ZNF385B: variants seen among roughly 807,000 people sequenced by gnomAD.
ZNF385B encodes zinc finger protein 533.
ZNF385B carries 23 observed loss-of-function variants against 39.2 expected under a neutral mutation model. The ratio of observed to expected loss-of-function variants is 0.59; its 90% CI spans 0.42 to 0.83. The LOEUF is 0.83. ZNF385B is among the 40% of genes least tolerant of loss of function. The pLI, the probability that ZNF385B is intolerant of heterozygous loss-of-function variation, is 0.00. For missense variants in ZNF385B, 552 were observed against 598.9 expected (o/e 0.92, Z 0.82); for synonymous variants, 205 against 222.6 (o/e 0.92, Z 0.70).
At chr2:179,653,592 T>A (rs946246470) in intron 3 of ZNF385B, among the ~76,000 whole-genome samples, 16 of 152,320 alleles carry the variant, frequency 1.1e-4, no homozygotes, top group Non-Finnish European at 1.8e-4. Context: ...GTTTATGCCT[T>A]CAGTGTTCAG....
At chr2:179,539,713 A>G (rs2059798566) in intron 4 of ZNF385B, among the ~76,000 whole-genome samples, 1 of 152,224 alleles carries the variant, frequency 6.6e-6, no homozygotes, top group Non-Finnish European at 1.5e-5. Context: ...GACCATGGAT[A>G]AATTGGCAAA....
At chr2:179,669,227 T>G (rs1006903066) in intron 3 of ZNF385B, among the ~76,000 whole-genome samples, 9 of 152,128 alleles carry the variant, frequency 5.9e-5, no homozygotes, top group African/African-American at 1.7e-4. Flanking sequence ...CTAGGGGAAG[T>G]TGAGGAGTGG....
At chr2:179,542,785 T>C (rs1253415061) in intron 4 of ZNF385B, among the ~76,000 whole-genome samples, 1 of 152,166 alleles carries the variant, frequency 6.6e-6, no homozygotes, top group Non-Finnish European at 1.5e-5. Flanking sequence ...GGGTACCTTT[T>C]AGGTATATGT....
At chr2:179,657,648 T>C (rs1693944534) in intron 3 of ZNF385B, among the ~76,000 whole-genome samples, 1 of 152,212 alleles carries the variant, frequency 6.6e-6, no homozygotes. Context: ...ATAAAACCCA[T>C]ACAGTTTCAG....
rs369277460 is a variant in ZNF385B, at chr2:179,443,471, A to G, written c.1243-3T>C. 1.6e-5 allele frequency: 26 copies of G among 1,586,390 alleles called. No homozygotes were observed. Among genetic ancestry groups the G allele is most frequent in the African/African-American group, 2.7e-5 (2 of 74,608 alleles). ...TCTTTCTGGAATGCAAGTTTTGCCT[A>G]AGGGAGGGAGAAAACCAGGAATGGG... On this transcript the variant is annotated splice_polypyrimidine_tract_variant and splice_region_variant and intron_variant, in intron 9 of 9. Transcript: ENST00000410066.
At chr2:179,685,814 T>C (rs1425476523) in intron 3 of ZNF385B, among the ~76,000 whole-genome samples, 2 of 152,242 alleles carry the variant, frequency 1.3e-5, no homozygotes, top group Non-Finnish European at 2.9e-5. Context: ...GCAAACCATA[T>C]TTAGCAAAGA....
chr2:179,811,746 T>G (rs1706746623), intron 1 of ZNF385B, among the ~76,000 whole-genome samples: 1 of 151,920 alleles, frequency 6.6e-6, no homozygotes, highest in Non-Finnish European at 1.5e-5. Flanking sequence ...GGGAAAAAAT[T>G]TATGACTAAA....
At chr2:179,778,816 C>A (rs538460754) in intron 1 of ZNF385B, among the ~76,000 whole-genome samples, 13 of 152,030 alleles carry the variant, frequency 8.6e-5, no homozygotes, top group Non-Finnish European at 1.3e-4. Context: ...TTCCATATTC[C>A]TACCAAAGTG....
At chr2:179,739,506 T>C (rs1446864572) in intron 3 of ZNF385B, among the ~76,000 whole-genome samples, 4 of 152,218 alleles carry the variant, frequency 2.6e-5, no homozygotes, top group African/African-American at 9.6e-5. Context: ...CTAATCCCAG[T>C]TTGAGTCTTA....
chr2:179,564,466 C>T (rs987629927), intron 3 of ZNF385B, among the ~76,000 whole-genome samples: 1 of 152,154 alleles, frequency 6.6e-6, no homozygotes, highest in African/African-American at 2.4e-5. Context: ...TAAGACCTTA[C>T]CCTATCAATC....
At chr2:179,780,268 G>T (rs1704587262) in intron 1 of ZNF385B, among the ~76,000 whole-genome samples, 4 of 152,204 alleles carry the variant, frequency 2.6e-5, no homozygotes, top group Non-Finnish European at 1.5e-5. Flanking sequence ...TTAGCCCCTA[G>T]AAAAGACACA....
At chr2:179,620,955 G>A (rs1165634976) in intron 3 of ZNF385B, among the ~76,000 whole-genome samples, 1 of 152,110 alleles carries the variant, frequency 6.6e-6, no homozygotes, top group Admixed American at 6.6e-5. Flanking sequence ...ACTAGATACT[G>A]TCCTTTATTT....
chr2:179,542,852 C>T (rs1020479576), intron 4 of ZNF385B, among the ~76,000 whole-genome samples: 3 of 152,170 alleles, frequency 2.0e-5, no homozygotes, highest in Admixed American at 6.5e-5. Context: ...GACCACCTTC[C>T]GCTAGTGAAG....
intron 1 of ZNF385B, among the ~76,000 whole-genome samples, chr2:179,792,370 C>CTTTTTTTTTTTTTTTTTTT (rs1346808450): frequency 2.8e-5 from 2 of 70,692 alleles, no homozygotes; most frequent in African/African-American, 1.0e-4. Context: ...ATTTCATTTT[C>CTTTTTTTTTTTTTTTTTTT]TTTTCTTTTT....
intron 3 of ZNF385B, chr2:179,585,912 A>C (rs1687029460): frequency 6.6e-6 from 1 of 152,204 alleles, no homozygotes; most frequent in South Asian, 2.1e-4. Context: ...ATCTCTCTAG[A>C]ACACATATAC....
intron 5 of ZNF385B, among the ~76,000 whole-genome samples, chr2:179,504,244 T>C (rs1486893783): frequency 1.3e-5 from 2 of 152,088 alleles, no homozygotes; most frequent in Non-Finnish European, 2.9e-5. Flanking sequence ...CCATGGTGTA[T>C]ATGTGCCACA....
chr2:179,654,619 A>C (rs1422499718), intron 3 of ZNF385B, among the ~76,000 whole-genome samples: 1 of 152,224 alleles, frequency 6.6e-6, no homozygotes, highest in Non-Finnish European at 1.5e-5. Context: ...TTCCAAGTTC[A>C]AGTATGTGAA....
chr2:179,512,631 A>G lies in ZNF385B; in HGVS notation c.552+5897T>C, dbSNP rs1414262059. On this transcript the variant is annotated intron_variant, in intron 5 of 9. Coordinates refer to ENST00000410066, the MANE Select transcript of ZNF385B (RefSeq NM_152520.6). ...TACTGCAGTTGCAGTATACTCAGTT[A>G]CTGGAGAATAAAGAAACATTCAGGG... Among the ~76,000 whole-genome samples the G allele has an allele frequency of 5.9e-5, 9 of 152,176 alleles. No homozygotes were observed. In the East Asian group the frequency reaches 1.7e-3, roughly 29 times the overall value.
At chr2:179,811,332 A>T (rs1706719585) in intron 1 of ZNF385B, among the ~76,000 whole-genome samples, 1 of 152,206 alleles carries the variant, frequency 6.6e-6, no homozygotes, top group African/African-American at 2.4e-5. Flanking sequence ...GAACCAAAAA[A>T]GAGCCCAAAT....
Sources: gnomAD v4.1 joint callset for allele counts (sites outside exome capture counted in the v4.1 genomes callset) on GRCh38, gnomAD v4.1.1 for gene constraint, MANE v1.5 for transcripts, NCBI Gene and HGNC (gene_info 2026-07-23, HGNC 2026-07-21) for gene names.